The following SLC1A5 variants were observed in gnomAD, a reference collection of about 807,000 sequenced individuals.
SLC1A5 encodes the protein solute carrier family 1 member 5.
Under a neutral mutation model 34.9 loss-of-function variants are expected in SLC1A5, and 25 were observed. The ratio of observed to expected loss-of-function variants is 0.72; its 90% CI spans 0.52 to 1.00. The LOEUF is 1.00. Ranked by LOEUF, SLC1A5 falls within the 50% of genes least tolerant of loss-of-function variation. SLC1A5 has a pLI of 0.00. For synonymous variants in SLC1A5, 351 were observed against 341.2 expected, an observed-to-expected ratio of 1.03 and a Z score of -0.32; for missense variants, 637 against 740.0, an observed-to-expected ratio of 0.86 and a Z score of 1.61.
intron 4 of SLC1A5, among the ~76,000 whole-genome samples, chr19:46,781,582 G>A (rs2055146820): frequency 6.6e-6 from 1 of 152,100 alleles, no homozygotes; most frequent in African/African-American, 2.4e-5. Context: ...TGGGCAACAA[G>A]AACGAAACTC....
At position 46,777,417 on chromosome 19, in the gene SLC1A5, G is replaced by A. The variant is rs192206274; in HGVS notation, c.1059-12C>T. On this transcript the variant is annotated splice_polypyrimidine_tract_variant and intron_variant, in intron 5 of 7. Coordinates refer to ENST00000542575, the MANE Select transcript of SLC1A5 (RefSeq NM_005628.3). ...GCAGCGTGGCGGAACTGCAAGGGAT[G>A]GGGGAGCTGAGTTAGGTTAACCTGC... 1 of 1,598,902 alleles carries A rather than the reference G, an allele frequency of 6.3e-7. No homozygotes were observed. Among genetic ancestry groups the A allele is most frequent in the Admixed American group, 1.7e-5 (1 of 58,430 alleles).
In SLC1A5 at chr19:46,775,026, C is replaced by T. The variant is rs143857841; in HGVS notation, c.*484G>A. On this transcript the variant is annotated 3_prime_UTR_variant, in exon 8 of 8. Transcript: ENST00000542575. ...TAGGGGATCTGGGGACAGGGTGGGA[C>T]GTACCATGGGGACAGGAGGTCACAG... 434 of 987,412 alleles carry T rather than the reference C, an allele frequency of 4.4e-4. No homozygotes were observed. The African/African-American group carries it at 6.9e-3, about 16-fold the overall frequency. The allele number at this position is 987,412 out of a possible 1,614,324, so 61.2% of individuals were successfully genotyped here. A position where few individuals can be genotyped will look rare whatever the true frequency, so the allele number is the denominator to read the frequency against.
At chr19:46,781,794 C>G (rs964169814) in intron 4 of SLC1A5, among the ~76,000 whole-genome samples, 2 of 152,028 alleles carry the variant, frequency 1.3e-5, no homozygotes, top group Non-Finnish European at 2.9e-5. Flanking sequence ...GGGAAGTATC[C>G]AGAAGTTATA....
At position 46,787,618 on chromosome 19, in the gene SLC1A5, G is replaced by A; in HGVS notation, c.348C>T (p.Ala116=). 1 of 1,564,434 alleles carries A rather than the reference G, an allele frequency of 6.4e-7. No individual in the cohort carries two copies. Among genetic ancestry groups the A allele is most frequent in the Non-Finnish European group, 8.6e-7 (1 of 1,157,666 alleles). The change falls in exon 1 of 8, where the codon GCC becomes GCT. Residue 116 remains alanine (A), a synonymous_variant. Coordinates refer to ENST00000542575, the MANE Select transcript of SLC1A5 (RefSeq NM_005628.3). This position sits in a 1 kb window ranked among gnomAD's most constrained non-coding sequence, Gnocchi z 5.2. ...PLVVCSLIGG[A]ASLDPGALGR... Reference sequence around the variant, plus strand: ...CGAGCGCGCCGGGGTCCAGGCTGGCGGCGCCGCCGATCAAGCTGCACACCA... The same window carrying A: ...CGAGCGCGCCGGGGTCCAGGCTGGCAGCGCCGCCGATCAAGCTGCACACCA...
intron 2 of SLC1A5, among the ~76,000 whole-genome samples, 184 bp downstream of exon 2, chr19:46,784,333 A>G (rs923374189): frequency 6.6e-6 from 1 of 152,174 alleles, no homozygotes; most frequent in Admixed American, 6.5e-5. Flanking sequence ...CGAGGCTCAG[A>G]GAGGTAAACA....
rs1200115133 is a variant in SLC1A5 at position 46,782,509 on chromosome 19, C to T, written c.698G>A (p.Gly233Asp). 8 of 1,614,100 alleles carry T rather than the reference C, an allele frequency of 5.0e-6. No individual in the cohort carries two copies. The highest frequency in any genetic ancestry group is 6.8e-6 in the Non-Finnish European group (8 of 1,180,028). Reference protein sequence around the residue: ...GQEVEGMNILGLVVFAIVFGV... With the variant: ...GQEVEGMNILDLVVFAIVFGV... Reference sequence around the variant, plus strand: ...AAAGACGATGGCAAACACTACCAAGCCCAGGATGTTCATCCCCTCCACCTC... The same window carrying T: ...AAAGACGATGGCAAACACTACCAAGTCCAGGATGTTCATCCCCTCCACCTC... The change falls in exon 4 of 8, where the codon GGC becomes GAC. Residue 233 changes from glycine (G) to aspartate (D), a missense_variant. By Grantham distance (94) the Gly-to-Asp change is moderately conservative. Transcript: ENST00000542575.
At chr19:46,785,817 CGCCAGTAATTCCA>C (rs1453371819) in intron 1 of SLC1A5, among the ~76,000 whole-genome samples, 2 of 152,136 alleles carry the variant, frequency 1.3e-5, no homozygotes, top group African/African-American at 2.4e-5. Flanking sequence ...CGGTGGCTCA[CGCCAGTAATTCCA>C]GCCTTTTGGG....
Position 46,775,341 on chromosome 19 carries a change from TC to T in SLC1A5, c.*168del. 6.8e-7 allele frequency: 1 copy of T among 1,465,944 alleles called. No individual in the cohort carries two copies. Among genetic ancestry groups the T allele is most frequent in the Non-Finnish European group, 9.0e-7 (1 of 1,111,960 alleles). 90.8% of individuals were successfully genotyped at this position (1,465,944 alleles called of 1,614,324 possible). A position where few individuals can be genotyped will look rare whatever the true frequency, so the allele number is the denominator to read the frequency against. On this transcript the variant is annotated 3_prime_UTR_variant, in exon 8 of 8. Transcript: ENST00000542575. Reference sequence around the variant, plus strand: ...GAGTAACCCTTGTGAACACATGTACTCCAGCAGCCAGGCATCCCAGATCTCC... The same window carrying T: ...GAGTAACCCTTGTGAACACATGTACTCAGCAGCCAGGCATCCCAGATCTCC...
At position 46,775,033 on chromosome 19, in the gene SLC1A5, T is replaced by C. The variant is rs1048532658; in HGVS notation, c.*477A>G. The stretch of plus-strand genomic sequence containing the variant: ...TCTGGGGACAGGGTGGGACGTACCA[T>C]GGGGACAGGAGGTCACAGAACACAC... On this transcript the variant is annotated 3_prime_UTR_variant, in exon 8 of 8. Coordinates refer to ENST00000542575, the MANE Select transcript of SLC1A5 (RefSeq NM_005628.3). 1.0e-6 allele frequency: 1 copy of C among 986,032 alleles called. No individual in the cohort carries two copies. Among genetic ancestry groups the C allele is most frequent in the Non-Finnish European group, 1.2e-6 (1 of 832,030 alleles). 61.1% of individuals were successfully genotyped at this position (986,032 alleles called of 1,614,324 possible). A position where few individuals can be genotyped will look rare whatever the true frequency, so the allele number is the denominator to read the frequency against.
chr19:46,787,656 T>G lies in SLC1A5; in HGVS notation c.310A>C (p.Ile104Leu). Reference sequence around the variant, plus strand: ...AAGCTGCACACCACCAGCGGCAAGATGATCATCCGCAGCAGACGCAGCAGC... The same window carrying G: ...AAGCTGCACACCACCAGCGGCAAGAGGATCATCCGCAGCAGACGCAGCAGC... ...ELLLRLLRMI[I>L]LPLVVCSLIG... The change falls in exon 1 of 8, where the codon ATC becomes CTC. Residue 104 changes from isoleucine to leucine, a missense_variant. By Grantham distance (5) the Ile-to-Leu change is conservative. Transcript: ENST00000542575. The surrounding 1 kb of genome is among the most constrained non-coding windows in gnomAD (Gnocchi z 5.2). 1 of 1,590,158 alleles carries G rather than the reference T, an allele frequency of 6.3e-7. No homozygotes were observed. Among genetic ancestry groups the G allele is most frequent in the Non-Finnish European group, 8.5e-7 (1 of 1,171,788 alleles).
At chr19:46,778,994 C>T (rs146210051) in intron 4 of SLC1A5, 86 bp from the exon 5 acceptor site, 30 of 931,622 alleles carry the variant, frequency 3.2e-5, no homozygotes, top group South Asian at 5.0e-5. Flanking sequence ...CCCACATCTT[C>T]CTGCCTTCCT....
intron 2 of SLC1A5, 25 bp downstream of exon 2, chr19:46,784,492 C>T (rs887035427): frequency 6.2e-7 from 1 of 1,613,950 alleles, no homozygotes; most frequent in Non-Finnish European, 8.5e-7. Flanking sequence ...ACCCCCATCC[C>T]CTCAGGACAC....
At position 46,787,741 on chromosome 19, in the gene SLC1A5, G is replaced by A; in HGVS notation, c.225C>T (p.Ala75=). The A allele has an allele frequency of 6.4e-7, 1 of 1,555,400 alleles. No individual in the cohort carries two copies. The highest frequency in any genetic ancestry group is 8.7e-7 in the Non-Finnish European group (1 of 1,154,388). ...GVALGLGVSG[A]GGALALGPER... ...CCGGGCCCAACGCCAGCGCACCCCC[G>A]GCCCCCGACACCCCCAGTCCCAGCG... The change falls in exon 1 of 8, where the codon GCC becomes GCT. Residue 75 remains alanine (A), a synonymous_variant. Transcript: ENST00000542575. The surrounding 1 kb of genome is among the most constrained non-coding windows in gnomAD (Gnocchi z 5.2).
intron 4 of SLC1A5, among the ~76,000 whole-genome samples, chr19:46,779,705 G>T (rs958738327): frequency 6.6e-6 from 1 of 151,958 alleles, no homozygotes; most frequent in African/African-American, 2.4e-5. Flanking sequence ...CTCGAGACCA[G>T]CTTGGGCAAC....
rs146888349 is a variant in SLC1A5, at chr19:46,776,896, GC to G, written c.1388+78del. ...TCTTCTCTTCCTCTTCTGTCCAGAG[GC>G]TCTAAGGACTCTCACTCACTCATCC... On this transcript the variant is annotated intron_variant, in intron 7 of 7. Coordinates refer to ENST00000542575, the MANE Select transcript of SLC1A5 (RefSeq NM_005628.3). 87 of 1,436,216 alleles carry G rather than the reference GC, an allele frequency of 6.1e-5. No homozygotes were observed. In the African/African-American group the frequency reaches 1.2e-3, roughly 19 times the overall value. The allele number at this position is 1,436,216 out of a possible 1,614,324, so 89.0% of individuals were successfully genotyped here. A position where few individuals can be genotyped will look rare whatever the true frequency, so the allele number is the denominator to read the frequency against.
chr19:46,780,667 A>T lies in SLC1A5; in HGVS notation c.824+1716T>A, dbSNP rs529914790. 4.0e-5 allele frequency among the ~76,000 whole-genome samples: 6 copies of T among 151,292 alleles called. No homozygotes were observed. The East Asian group carries it at 1.2e-3, about 30-fold the overall frequency. ...GGTACCACAACCAGCCAAAACACAC[A>T]TTTTTAAAATAAAAATTTGAAGGCC... is the stretch of plus-strand genomic sequence containing the variant. On this transcript the variant is annotated intron_variant, in intron 4 of 7. Coordinates refer to ENST00000542575, the MANE Select transcript of SLC1A5 (RefSeq NM_005628.3).
intron 1 of SLC1A5, among the ~76,000 whole-genome samples, chr19:46,786,290 G>A (rs866707537): frequency 1.3e-5 from 2 of 152,174 alleles, no homozygotes; most frequent in African/African-American, 4.8e-5. Context: ...AATGTGTCCA[G>A]CTGTATGTCA....
At position 46,788,013 on chromosome 19, in the gene SLC1A5, G is replaced by C. The variant is rs918466131; in HGVS notation, c.-48C>G. The C allele has an allele frequency of 6.8e-6, 10 of 1,478,076 alleles. No homozygotes were observed. The highest frequency in any genetic ancestry group is 9.0e-6 in the Non-Finnish European group (10 of 1,114,632). 91.6% of individuals were successfully genotyped at this position (1,478,076 alleles called of 1,614,324 possible). ...TAGCGCCTGGAAGCTGGCTGGGAGC[G>C]CTTGGGCTCCTTCCCAGGACCCGAC... is the stretch of plus-strand genomic sequence containing the variant. On this transcript the variant is annotated 5_prime_UTR_variant, in exon 1 of 8. Transcript: ENST00000542575.
chr19:46,777,050 G>GT lies in SLC1A5; in HGVS notation c.1312dup (p.Thr438AsnfsTer38). On this transcript the variant is annotated frameshift_variant, in exon 7 of 8. Transcript: ENST00000542575. LOFTEE classifies it high-confidence loss of function. ...GACTGCTTCGAGGATGATGGCCAGA[G>GT]TGAGGACACCTCCAGCAGGGATGCC... 1 of 1,614,100 alleles carries GT rather than the reference G, an allele frequency of 6.2e-7. No individual in the cohort carries two copies. Among genetic ancestry groups the GT allele is most frequent in the Non-Finnish European group, 8.5e-7 (1 of 1,180,024 alleles).
Sources: gnomAD v4.1 joint callset for allele counts (sites outside exome capture counted in the v4.1 genomes callset) on GRCh38, gnomAD v4.1.1 for gene constraint, Gnocchi (gnomAD v3.1) non-coding constraint, MANE v1.5 for transcripts, NCBI Gene and HGNC (gene_info 2026-07-23, HGNC 2026-07-21) for gene names.